The following ZNF519 variants were observed in gnomAD, a reference collection of about 807,000 sequenced individuals.
ZNF519 encodes the protein similar to Zinc finger protein 85 (Zinc finger protein HPF4) (HTF1).
A neutral mutation model predicts 7.4 loss-of-function variants in ZNF519; 7 were observed. The observed-to-expected ratio is 0.94, with a 90% CI of 0.54 to 1.77. The LOEUF is 1.77. ZNF519 is among the 40% of genes most tolerant of loss of function. The pLI, the probability that ZNF519 is intolerant of heterozygous loss-of-function variation, is 0.00. For synonymous variants in ZNF519, 179 were observed against 203.3 expected, an observed-to-expected ratio of 0.88 and a Z score of 1.02; for missense variants, 586 against 623.1, an observed-to-expected ratio of 0.94 and a Z score of 0.63.
In ZNF519 at chr18:14,103,391, G is replaced by A. The variant is rs2046171716; in HGVS notation, c.*1526C>T. 1 of 151,868 alleles carries A rather than the reference G, an allele frequency of 6.6e-6. No homozygotes were observed. Among genetic ancestry groups the A allele is most frequent in the African/African-American group, 2.4e-5 (1 of 41,336 alleles). 9.4% of individuals were successfully genotyped at this position (151,868 alleles called of 1,614,324 possible). ...AAAAGGAAATTAAAAATAAATGAAT[G>A]CAGAAAATGGGGGGAACTCACAAAT... On this transcript the variant is annotated 3_prime_UTR_variant, in exon 3 of 3. Coordinates refer to ENST00000590202, the MANE Select transcript of ZNF519 (RefSeq NM_145287.4).
downstream of ZNF519, among the ~76,000 whole-genome samples, chr18:14,096,245 G>A (rs145746254): frequency 6.6e-6 from 1 of 152,290 alleles, no homozygotes; most frequent in East Asian, 1.9e-4. Flanking sequence ...CTGGGAGATG[G>A]GTGACACAGG....
In ZNF519 at chr18:14,124,365, T is replaced by G. The variant is rs192743927; in HGVS notation, c.115A>C (p.Asn39His). The change falls in exon 2 of 3, where the codon AAC becomes CAC. Residue 39 changes from asparagine to histidine, a missense_variant. Coordinates refer to ENST00000590202, the MANE Select transcript of ZNF519 (RefSeq NM_145287.4). ...YRDVMLENYR[N>H]LVSLAVYSYY... ...TTATTCTCACCCAGGGAGACGAGGT[T>G]TCTGTAGTTCTCCAACATCACATCT... is the stretch of plus-strand genomic sequence containing the variant. 4.1e-4 allele frequency: 663 copies of G among 1,607,120 alleles called. 2 individuals carry two copies. The highest frequency in any genetic ancestry group is 2.5e-3 in the Middle Eastern group (15 of 6,032).
intron 2 of ZNF519, among the ~76,000 whole-genome samples, chr18:14,117,731 A>G (rs183294942): frequency 1.3e-5 from 2 of 152,292 alleles, no homozygotes; most frequent in Admixed American, 1.3e-4. Flanking sequence ...GCAAAGAGGG[A>G]GTGAGTCATC....
In ZNF519 at chr18:14,131,764, A is replaced by T. The variant is rs143250532; in HGVS notation, c.3+511T>A. ...CCAAATAAAGCGACTACATAACTGT[A>T]CCCAATTATTTAATTGTCTTTGCTT... On this transcript the variant is annotated intron_variant, in intron 1 of 2. Transcript: ENST00000590202. Among the ~76,000 whole-genome samples, 133 of 152,150 alleles carry T rather than the reference A, an allele frequency of 8.7e-4. 1 individual carries two copies. The East Asian group carries it at 0.018, about 20-fold the overall frequency.
chr18:14,122,120 C>T (rs1457660984), intron 2 of ZNF519: 1 of 152,016 alleles, frequency 6.6e-6, no homozygotes, highest in Non-Finnish European at 1.5e-5. Flanking sequence ...CCAATGTGAC[C>T]CGGGGAAGCC....
At chr18:14,081,367 GAAGGTAA>G (rs2046070146) in intron 3 of ZNF519, among the ~76,000 whole-genome samples, 1 of 152,088 alleles carries the variant, frequency 6.6e-6, no homozygotes, top group Non-Finnish European at 1.5e-5. Context: ...GCATATTTAG[GAAGGTAA>G]AAGAAGACAT....
chr18:14,115,437 T>G (rs2046241766), intron 2 of ZNF519, among the ~76,000 whole-genome samples: 1 of 152,158 alleles, frequency 6.6e-6, no homozygotes, highest in South Asian at 2.1e-4. Flanking sequence ...AGACCACAAG[T>G]GTTCAACAAT....
intron 2 of ZNF519, among the ~76,000 whole-genome samples, chr18:14,112,392 A>AT (rs1178601136): frequency 6.6e-6 from 1 of 152,174 alleles, no homozygotes; most frequent in Non-Finnish European, 1.5e-5. Flanking sequence ...TTTTCCTAAG[A>AT]TTGAGAACAT....
intron 3 of ZNF519, among the ~76,000 whole-genome samples, chr18:14,083,791 C>T (rs550386642): frequency 4.6e-5 from 7 of 152,280 alleles, no homozygotes; most frequent in Admixed American, 2.0e-4. Context: ...TCAAGTAGAA[C>T]AAGTTTCCCC....
chr18:14,112,042 T>G (rs1252711541), intron 2 of ZNF519, among the ~76,000 whole-genome samples: 1 of 152,092 alleles, frequency 6.6e-6, no homozygotes, highest in South Asian at 2.1e-4. Flanking sequence ...TTCAGCAACA[T>G]ATTAAAAAGA....
chr18:14,129,248 C>T (rs2046317698), intron 1 of ZNF519, among the ~76,000 whole-genome samples: 1 of 152,118 alleles, frequency 6.6e-6, no homozygotes, highest in Non-Finnish European at 1.5e-5. Flanking sequence ...TTGAGATAAG[C>T]CAGGAGTCTT....
rs1265776481 is a variant in ZNF519, at chr18:14,102,426, C to T, written c.*2491G>A. The T allele has an allele frequency of 6.6e-6, 1 of 152,170 alleles. No homozygotes were observed. The highest frequency in any genetic ancestry group is 1.5e-5 in the Non-Finnish European group (1 of 68,062). 9.4% of individuals were successfully genotyped at this position (152,170 alleles called of 1,614,324 possible). A position where few individuals can be genotyped will look rare whatever the true frequency, so the allele number is the denominator to read the frequency against. ...TCAGGTGATCCACCCACCTGGGCCT[C>T]CCGAAGTGCTGGGATTACAGGCATT... On this transcript the variant is annotated 3_prime_UTR_variant, in exon 3 of 3. Coordinates refer to ENST00000590202, the MANE Select transcript of ZNF519 (RefSeq NM_145287.4).
intron 2 of ZNF519, among the ~76,000 whole-genome samples, chr18:14,115,884 G>A (rs1016640811): frequency 1.7e-4 from 26 of 152,168 alleles, no homozygotes; most frequent in African/African-American, 6.0e-4. Context: ...ACTGAACTGT[G>A]TCAGGGGCTA....
chr18:14,085,095 A>G (rs886511584), intron 2 of ZNF519: 2 of 105,120 alleles, frequency 1.9e-5, no homozygotes, highest in Non-Finnish European at 4.9e-5. Flanking sequence ...TAAAAAAAAG[A>G]AACAGCTAAG....
chr18:14,123,711 G>A (rs936477950), intron 2 of ZNF519, among the ~76,000 whole-genome samples: 4 of 151,790 alleles, frequency 2.6e-5, no homozygotes, highest in Admixed American at 6.6e-5. Flanking sequence ...GCAAGACTCC[G>A]TTTGCAAAAT....
intron 2 of ZNF519, among the ~76,000 whole-genome samples, chr18:14,110,788 C>T (rs1305403877): frequency 6.6e-6 from 1 of 152,140 alleles, no homozygotes. Flanking sequence ...AGTGAAGTAA[C>T]TCAGAAATGG....
chr18:14,095,158 G>C (rs1025472626), downstream of ZNF519, among the ~76,000 whole-genome samples: 1 of 152,032 alleles, frequency 6.6e-6, no homozygotes, highest in African/African-American at 2.4e-5. Flanking sequence ...TAGTTGTTAT[G>C]TTCTTTTGGC....
At chr18:14,117,674 CT>C (rs1236246710) in intron 2 of ZNF519, among the ~76,000 whole-genome samples, 2 of 152,160 alleles carry the variant, frequency 1.3e-5, no homozygotes, top group African/African-American at 4.8e-5. Flanking sequence ...AGCATAGCAG[CT>C]TCTGCTTCTG....
downstream of ZNF519, among the ~76,000 whole-genome samples, chr18:14,098,072 A>T (rs1367977589): frequency 2.0e-5 from 3 of 151,676 alleles, no homozygotes; most frequent in Admixed American, 2.0e-4. Context: ...AGAGCAACAG[A>T]CCTGACCCCT....
Sources: gnomAD v4.1 joint callset for allele counts (sites outside exome capture counted in the v4.1 genomes callset) on GRCh38, gnomAD v4.1.1 for gene constraint, MANE v1.5 for transcripts, NCBI Gene and HGNC (gene_info 2026-07-23, HGNC 2026-07-21) for gene names.